TMEM62: variants seen among roughly 807,000 people sequenced by gnomAD.
TMEM62 encodes transmembrane protein 62.
TMEM62 carries 41 observed loss-of-function variants against 70.4 expected under a neutral mutation model. The observed-to-expected ratio is 0.58, with a 90% CI of 0.45 to 0.76. The LOEUF is 0.76. Ranked by LOEUF, TMEM62 falls within the 30% of genes least tolerant of loss-of-function variation. The pLI is 0.00. For missense variants in TMEM62, 688 were observed against 788.5 expected (o/e 0.87, Z 1.53); for synonymous variants, 268 against 291.0 (o/e 0.92, Z 0.80).
In TMEM62 at chr15:43,184,297, G is replaced by C. The variant is rs1388045389; in HGVS notation, c.1643G>C (p.Cys548Ser). 7 of 1,614,164 alleles carry C rather than the reference G, an allele frequency of 4.3e-6. No individual in the cohort carries two copies. In the South Asian group the frequency reaches 7.7e-5, roughly 18 times the overall value. The stretch of plus-strand genomic sequence containing the variant: ...AACATCCCCTTGATGGCTTACATGT[G>C]TTGGAGCTTGCTGCAGCGGTGCTTT... ...FFNIPLMAYM[C>S]WSLLQRCFGH... Residue 548 changes from cysteine to serine, a missense_variant, in exon 14 of 14, where the codon TGT (cysteine) becomes TCT (serine). Cys to Ser is a moderately radical substitution (Grantham distance 112). Coordinates refer to ENST00000260403, the MANE Select transcript of TMEM62 (RefSeq NM_024956.4).
At position 43,148,772 on chromosome 15, in the gene TMEM62, C is replaced by G. The variant is rs1279431264; in HGVS notation, c.636C>G (p.Leu212=). 3 of 1,613,926 alleles carry G rather than the reference C, an allele frequency of 1.9e-6. No homozygotes were observed. Among genetic ancestry groups the G allele is most frequent in the Admixed American group, 3.3e-5 (2 of 59,970 alleles). Residue 212 remains leucine, a synonymous_variant, in exon 6 of 14, where the codon CTC becomes CTG. Transcript: ENST00000260403. The stretch of plus-strand genomic sequence containing the variant: ...CATCTCAGAAAAAGATGGAGGAGCT[C>G]TTATTACTGGCCAAGGAAAGCAGTC... ...GILDKKKMEE[L]LLLAKESSRS...
At chr15:43,163,592 C>T (rs1233053999) in intron 10 of TMEM62, among the ~76,000 whole-genome samples, 1 of 151,912 alleles carries the variant, frequency 6.6e-6, no homozygotes, top group Non-Finnish European at 1.5e-5. Context: ...ACCATCCTGG[C>T]TAACATGGTG....
chr15:43,151,908 G>A lies in TMEM62; in HGVS notation c.985G>A (p.Glu329Lys). ...KSLLYSCGEHEPLERLLHSTH... is the reference protein window; with the variant it reads ...KSLLYSCGEHKPLERLLHSTH... Reference sequence around the variant, plus strand: ...ACTCCTTTATAGTTGTGGTGAACATGAACCACTAGAAAGACTTCTTCACTC... The same window carrying A: ...ACTCCTTTATAGTTGTGGTGAACATAAACCACTAGAAAGACTTCTTCACTC... Residue 329 changes from glutamate (E) to lysine (K), a missense_variant, in exon 8 of 14, where the codon GAA becomes AAA. Glu to Lys is a moderately conservative substitution (Grantham distance 56). Coordinates refer to ENST00000260403, the MANE Select transcript of TMEM62 (RefSeq NM_024956.4). The A allele has an allele frequency of 2.5e-6, 4 of 1,613,092 alleles. No homozygotes were observed. The Middle Eastern group carries it at 5.0e-4, about 200-fold the overall frequency.
At chr15:43,158,839 T>C (rs2038338560) in intron 9 of TMEM62, among the ~76,000 whole-genome samples, 1 of 152,186 alleles carries the variant, frequency 6.6e-6, no homozygotes, top group Non-Finnish European at 1.5e-5. Flanking sequence ...ACTGAGTCTT[T>C]TACATTTAGT....
At chr15:43,142,301 G>T (rs1268381615) in intron 4 of TMEM62, among the ~76,000 whole-genome samples, 1 of 151,620 alleles carries the variant, frequency 6.6e-6, no homozygotes, top group South Asian at 2.1e-4. Context: ...AAGTAGCTGG[G>T]ACTACAGGCG....
Position 43,138,594 on chromosome 15 carries a change from C to A in TMEM62, c.451C>A (p.Leu151Met). The A allele has an allele frequency of 6.3e-7, 1 of 1,584,932 alleles. No individual in the cohort carries two copies. Among genetic ancestry groups the A allele is most frequent in the Non-Finnish European group, 8.6e-7 (1 of 1,162,574 alleles). ...ATTAGATGCATTCAATATTCCAAGTCTGGACAGCATCAAGAATTATTACAG... is the reference window on the plus strand; with the variant it reads ...ATTAGATGCATTCAATATTCCAAGTATGGACAGCATCAAGAATTATTACAG... ...GNHDAFNIPSLDSIKNYYRKY... is the reference protein window; with the variant it reads ...GNHDAFNIPSMDSIKNYYRKY... Residue 151 changes from leucine to methionine, a missense_variant, in exon 4 of 14, where the codon CTG becomes ATG. Coordinates refer to ENST00000260403, the MANE Select transcript of TMEM62 (RefSeq NM_024956.4).
chr15:43,134,008 G>T, intron 1 of TMEM62, 26 bp downstream of exon 1: 1 of 1,435,240 alleles, frequency 7.0e-7, no homozygotes. Flanking sequence ...GCCGGGCCGG[G>T]AGGCAGGTGC....
intron 4 of TMEM62, among the ~76,000 whole-genome samples, chr15:43,145,418 G>C (rs549400663): frequency 6.6e-6 from 1 of 152,100 alleles, no homozygotes; most frequent in South Asian, 2.1e-4. Flanking sequence ...TGTTAGCCAG[G>C]ATGGTCTCGA....
rs747834581 is a variant in TMEM62, at chr15:43,148,750, C to T, written c.619-5C>T. ...TAAGATCCTTCCATTTTTCTCCCATCTCAGAAAAAGATGGAGGAGCTCTTA... is the reference window on the plus strand; with the variant it reads ...TAAGATCCTTCCATTTTTCTCCCATTTCAGAAAAAGATGGAGGAGCTCTTA... On this transcript the variant is annotated splice_polypyrimidine_tract_variant and splice_region_variant and intron_variant, in intron 5 of 13. Transcript: ENST00000260403. 1.2e-6 allele frequency: 2 copies of T among 1,610,318 alleles called. No individual in the cohort carries two copies. The highest frequency in any genetic ancestry group is 1.7e-6 in the Non-Finnish European group (2 of 1,179,142).
In TMEM62 at chr15:43,133,900, C is replaced by T. The variant is rs1011242926; in HGVS notation, c.98C>T (p.Ser33Leu). 2.0e-6 allele frequency: 3 copies of T among 1,499,114 alleles called. No homozygotes were observed. Among genetic ancestry groups the T allele is most frequent in the Non-Finnish European group, 2.7e-6 (3 of 1,132,004 alleles). The allele number at this position is 1,499,114 out of a possible 1,614,324, so 92.9% of individuals were successfully genotyped here. The change falls in exon 1 of 14, where the codon TCG becomes TTG. Residue 33 changes from serine (S) to leucine (L), a missense_variant. Physicochemically the swap from Ser to Leu is moderately radical, Grantham distance 145. Transcript: ENST00000260403. The part of the protein sequence containing the change: ...LEHYGLAGQP[S>L]PLPRPAPPRR... ...CACTACGGCCTGGCGGGCCAGCCCT[C>T]GCCGCTGCCGCGCCCCGCGCCCCCC...
At chr15:43,179,326 T>C (rs149473471) in intron 12 of TMEM62, among the ~76,000 whole-genome samples, 2 of 152,296 alleles carry the variant, frequency 1.3e-5, no homozygotes, top group African/African-American at 4.8e-5. Flanking sequence ...TCTCAAAAAT[T>C]CAGCTCAAAA....
intron 11 of TMEM62, among the ~76,000 whole-genome samples, chr15:43,177,728 C>T (rs917073899): frequency 2.0e-5 from 3 of 152,010 alleles, no homozygotes; most frequent in Non-Finnish European, 4.4e-5. Flanking sequence ...AATCATCATT[C>T]TCAGTAAACT....
At chr15:43,167,213 G>A (rs1438261422) in intron 10 of TMEM62, among the ~76,000 whole-genome samples, 2 of 151,322 alleles carry the variant, frequency 1.3e-5, no homozygotes, top group African/African-American at 2.4e-5. Flanking sequence ...CGGGCGGGGG[G>A]CTGACCCCCC....
intron 2 of TMEM62, among the ~76,000 whole-genome samples, chr15:43,134,725 T>G (rs1206345369): frequency 1.3e-5 from 2 of 152,192 alleles, no homozygotes; most frequent in African/African-American, 2.4e-5. Context: ...GAATCAGAAG[T>G]TCTCTTCTTT....
chr15:43,169,864 A>G (rs2141979936), intron 11 of TMEM62, 187 bp downstream of exon 11: 2 of 534,350 alleles, frequency 3.7e-6, no homozygotes, highest in East Asian at 6.1e-5. Flanking sequence ...TATACATTTT[A>G]TGGAGGCAGG....
At chr15:43,180,178 A>G (rs2041193765) in intron 12 of TMEM62, among the ~76,000 whole-genome samples, 1 of 152,068 alleles carries the variant, frequency 6.6e-6, no homozygotes, top group African/African-American at 2.4e-5. Context: ...GCTGGAGTAC[A>G]GTGGTGCAAT....
chr15:43,160,866 A>C, intron 10 of TMEM62, 72 bp downstream of exon 10: 1 of 735,500 alleles, frequency 1.4e-6, no homozygotes, highest in Non-Finnish European at 2.1e-6. Context: ...GTCCTCCCTT[A>C]TCCATGATTT....
rs76387573 is a variant in TMEM62, at chr15:43,170,502, T to A, written c.1381+825T>A. Among the ~76,000 whole-genome samples, 983 of 152,282 alleles carry A rather than the reference T, an allele frequency of 6.5e-3. 9 individuals carry two copies. The highest frequency in any genetic ancestry group is 0.022 in the African/African-American group (909 of 41,556). ...TTAAACAGAGAGACAATTAAAAGAC[T>A]TCATAAACAATGCAGAAAGTTCTGT... is the stretch of plus-strand genomic sequence containing the variant. On this transcript the variant is annotated intron_variant, in intron 11 of 13. Coordinates refer to ENST00000260403, the MANE Select transcript of TMEM62 (RefSeq NM_024956.4).
At position 43,134,359 on chromosome 15, in the gene TMEM62, C is replaced by T; in HGVS notation, c.283C>T (p.Leu95=). 6.2e-7 allele frequency: 1 copy of T among 1,613,372 alleles called. No individual in the cohort carries two copies. The highest frequency in any genetic ancestry group is 8.5e-7 in the Non-Finnish European group (1 of 1,179,440). ...TIDIIQPALV[L]ATGDLTDAKT... Reference sequence around the variant, plus strand: ...TGACATCATTCAACCAGCTCTCGTCCTAGCAACAGGTAGGGAGGCTTGCCG... The same window carrying T: ...TGACATCATTCAACCAGCTCTCGTCTTAGCAACAGGTAGGGAGGCTTGCCG... Residue 95 remains leucine (L), a synonymous_variant, in exon 2 of 14, where the codon CTA becomes TTA. Coordinates refer to ENST00000260403, the MANE Select transcript of TMEM62 (RefSeq NM_024956.4).
Sources: gnomAD v4.1 joint callset for allele counts (sites outside exome capture counted in the v4.1 genomes callset) on GRCh38, gnomAD v4.1.1 for gene constraint, MANE v1.5 for transcripts, NCBI Gene and HGNC (gene_info 2026-07-23, HGNC 2026-07-21) for gene names.